DSG3: variants seen among roughly 807,000 people sequenced by gnomAD.
DSG3 encodes the protein desmoglein 3.
DSG3 carries 63 observed loss-of-function variants against 85.9 expected under a neutral mutation model. That is an observed-to-expected ratio of 0.73 (90% CI 0.60 to 0.90). The LOEUF (loss-of-function observed/expected upper bound fraction) is 0.90, where lower values mean the gene tolerates loss of function less well. DSG3 is among the 40% of genes least tolerant of loss of function. The pLI, the probability that DSG3 is intolerant of heterozygous loss-of-function variation, is 0.00. For synonymous variants in DSG3, 447 were observed against 441.9 expected, an observed-to-expected ratio of 1.01 and a Z score of -0.14; for missense variants, 1,220 against 1,219.9, an observed-to-expected ratio of 1.00 and a Z score of 0.00.
At chr18:31,456,598 A>T (rs1251892056) in intron 2 of DSG3, 123 bp downstream of exon 2, 7 of 482,878 alleles carry the variant, frequency 1.4e-5, no homozygotes, top group Non-Finnish European at 2.3e-5. Context: ...TTGTGAAAAT[A>T]TATAAAATTA....
intron 1 of DSG3, among the ~76,000 whole-genome samples, chr18:31,452,716 A>G (rs1283117089): frequency 1.3e-5 from 2 of 152,106 alleles, no homozygotes; most frequent in Non-Finnish European, 1.5e-5. Flanking sequence ...TTTTATTCCT[A>G]TTGTACAGAT....
In DSG3 at chr18:31,447,915, C is replaced by T; in HGVS notation, c.38C>T (p.Ala13Val). 6.3e-7 allele frequency: 1 copy of T among 1,584,434 alleles called. No homozygotes were observed. Among genetic ancestry groups the T allele is most frequent in the Non-Finnish European group, 8.6e-7 (1 of 1,167,380 alleles). ...GLFPRTTGAL[A>V]IFVVVILVHG... ...TTCCCCAGAACTACAGGGGCTCTGG[C>T]CATCTTCGTGGTAAGTCCTGGATTT... The change falls in exon 1 of 16, where the codon GCC becomes GTC. Residue 13 changes from alanine (A) to valine (V), a missense_variant. Ala to Val is a moderately conservative substitution (Grantham distance 64). Transcript: ENST00000257189.
intron 5 of DSG3, among the ~76,000 whole-genome samples, chr18:31,459,492 G>A (rs890316939): frequency 2.0e-5 from 3 of 152,090 alleles, no homozygotes; most frequent in Non-Finnish European, 4.4e-5. Context: ...TGCATCAGCT[G>A]GGCTCTTTCA....
intron 8 of DSG3, among the ~76,000 whole-genome samples, chr18:31,461,983 G>A (rs2072789185): frequency 6.6e-6 from 1 of 152,098 alleles, no homozygotes; most frequent in Non-Finnish European, 1.5e-5. Flanking sequence ...TGTGATCTGG[G>A]CCCCTTCCTT....
At chr18:31,471,885 T>C (rs191850261) in intron 12 of DSG3, among the ~76,000 whole-genome samples, 51 of 152,328 alleles carry the variant, frequency 3.3e-4, no homozygotes, top group African/African-American at 1.1e-3. Flanking sequence ...TCTGGACCAT[T>C]CTGGTCATAT....
intron 12 of DSG3, 131 bp from the exon 13 acceptor site, chr18:31,472,153 G>C: frequency 8.0e-7 from 1 of 1,252,104 alleles, no homozygotes; most frequent in Non-Finnish European, 1.1e-6. Context: ...AACTAATTTT[G>C]GTTTTCATTA....
At chr18:31,454,966 C>T (rs2072733175) in intron 1 of DSG3, among the ~76,000 whole-genome samples, 1 of 150,652 alleles carries the variant, frequency 6.6e-6, no homozygotes, top group Non-Finnish European at 1.5e-5. Flanking sequence ...CCATTGCACT[C>T]CAGCCAGGGC....
intron 5 of DSG3, 46 bp downstream of exon 5, chr18:31,459,223 AAT>A (rs1327487808): frequency 2.6e-6 from 4 of 1,537,344 alleles, no homozygotes; most frequent in Non-Finnish European, 3.5e-6. Context: ...TCTACTTTCA[AAT>A]ATGAGTCCCA....
At chr18:31,456,037 G>A (rs1018965479) in intron 1 of DSG3, among the ~76,000 whole-genome samples, 30 of 152,146 alleles carry the variant, frequency 2.0e-4, no homozygotes, top group African/African-American at 7.0e-4. Context: ...AATCCCCTGT[G>A]GCCCCTTTCT....
In DSG3 at chr18:31,476,956, A is replaced by C. The variant is rs1379855196; in HGVS notation, c.*696A>C. The C allele has an allele frequency of 7.6e-6, 1 of 131,954 alleles. No homozygotes were observed. Among genetic ancestry groups the C allele is most frequent in the African/African-American group, 2.9e-5 (1 of 33,986 alleles). 8.2% of individuals were successfully genotyped at this position (131,954 alleles called of 1,614,324 possible). On this transcript the variant is annotated 3_prime_UTR_variant, in exon 16 of 16. Transcript: ENST00000257189. ...AGTCCGGCCTGGGCGACAGAGCGAGACTCCGTCTCAAAAAAAAAAAAAAAA... is the reference window on the plus strand; with the variant it reads ...AGTCCGGCCTGGGCGACAGAGCGAGCCTCCGTCTCAAAAAAAAAAAAAAAA...
chr18:31,472,815 C>T (rs200453581), intron 14 of DSG3, 27 bp downstream of exon 14: 248 of 1,600,360 alleles, frequency 1.5e-4, no homozygotes, highest in Admixed American at 2.3e-4. Context: ...TGTTTGAAAG[C>T]AATGGTGAGT....
Position 31,472,435 on chromosome 18 carries a change from G to T in DSG3, c.2037+12G>T, listed in dbSNP as rs763740715. On this transcript the variant is annotated intron_variant, in intron 13 of 15. Coordinates refer to ENST00000257189, the MANE Select transcript of DSG3 (RefSeq NM_001944.3). ...ATCCTGAAGACAAGGTAAGCATCCA[G>T]TTCATAAATTATGTATTTCAATTAC... 2 of 1,603,428 alleles carry T rather than the reference G, an allele frequency of 1.2e-6. No homozygotes were observed. The highest frequency in any genetic ancestry group is 1.7e-6 in the Non-Finnish European group (2 of 1,176,472).
At position 31,458,300 on chromosome 18, in the gene DSG3, G is replaced by A. The variant is rs7240573; in HGVS notation, c.217-145G>A. 25,124 of 816,264 alleles carry A rather than the reference G, an allele frequency of 0.031. 1,316 individuals are homozygous for A. The highest frequency in any genetic ancestry group is 0.2 in the African/African-American group (11,549 of 58,456). The allele number at this position is 816,264 out of a possible 1,614,324, so 50.6% of individuals were successfully genotyped here. A position where few individuals can be genotyped will look rare whatever the true frequency, so the allele number is the denominator to read the frequency against. On this transcript the variant is annotated intron_variant, in intron 3 of 15. Coordinates refer to ENST00000257189, the MANE Select transcript of DSG3 (RefSeq NM_001944.3). ...GGTTTGATTTTATTTCATATTCCTA[G>A]TATCTATCAAGGCAAAAAGTAAATG...
At chr18:31,469,491 A>T in intron 12 of DSG3, 142 bp downstream of exon 12, 3 of 1,213,874 alleles carry the variant, frequency 2.5e-6, no homozygotes, top group Non-Finnish European at 3.4e-6. Context: ...TGGCATTTTC[A>T]GAAAGAATCT....
rs754839133 is a variant in DSG3 at position 31,466,642 on chromosome 18, C to T, written c.1524C>T (p.Ser508=). 4.0e-5 allele frequency: 65 copies of T among 1,614,086 alleles called. No homozygotes were observed. Among genetic ancestry groups the T allele is most frequent in the Admixed American group, 2.2e-4 (13 of 60,008 alleles). Residue 508 remains serine (S), a synonymous_variant, in exon 11 of 16, where the codon TCC becomes TCT. Transcript: ENST00000257189. ...EKDAVCSSSP[S]VVVSARTLNN... ...ATGCAGTTTGCAGTTCTTCACCTTCCGTGGTTGTCTCCGCTAGAACACTGA... is the reference window on the plus strand; with the variant it reads ...ATGCAGTTTGCAGTTCTTCACCTTCTGTGGTTGTCTCCGCTAGAACACTGA...
chr18:31,476,546 A>G lies in DSG3; in HGVS notation c.*286A>G. On this transcript the variant is annotated 3_prime_UTR_variant, in exon 16 of 16. Coordinates refer to ENST00000257189, the MANE Select transcript of DSG3 (RefSeq NM_001944.3). ...TTTTCCTAAACATTCTTAAGCTTCT[A>G]TTTTTCCCCTGCCAAAGGAAGGTGT... The G allele has an allele frequency of 3.3e-6, 1 of 301,940 alleles. No individual in the cohort carries two copies. The highest frequency in any genetic ancestry group is 6.1e-6 in the Non-Finnish European group (1 of 164,860). The allele number at this position is 301,940 out of a possible 1,614,324, so 18.7% of individuals were successfully genotyped here. A position where few individuals can be genotyped will look rare whatever the true frequency, so the allele number is the denominator to read the frequency against.
rs902259205 is a variant in DSG3, at chr18:31,469,303, G to T, written c.1851G>T (p.Gly617=). 3 of 1,613,590 alleles carry T rather than the reference G, an allele frequency of 1.9e-6. No homozygotes were observed. Among genetic ancestry groups the T allele is most frequent in the African/African-American group, 2.7e-5 (2 of 74,932 alleles). ...RYGRPHSGRL[G]PAAIGLLLLG... The stretch of plus-strand genomic sequence containing the variant: ...GCAGGCCGCACTCAGGGAGGCTGGG[G>T]CCTGCCGCCATCGGCCTGCTGCTCC... Residue 617 remains glycine, a synonymous_variant, in exon 12 of 16, where the codon GGG becomes GGT. Transcript: ENST00000257189.
chr18:31,466,800 G>A (rs763332270), intron 11 of DSG3, 46 bp downstream of exon 11: 19 of 1,517,246 alleles, frequency 1.3e-5, no homozygotes, highest in East Asian at 2.3e-5. Flanking sequence ...CTGCTCCTTT[G>A]TATTTCCAGA....
intron 1 of DSG3, among the ~76,000 whole-genome samples, chr18:31,449,541 T>C (rs1029242819): frequency 2.6e-5 from 4 of 152,220 alleles, no homozygotes; most frequent in African/African-American, 9.7e-5. Flanking sequence ...TGTGACATCC[T>C]TATATTGAGG....
Sources: gnomAD v4.1 joint callset for allele counts (sites outside exome capture counted in the v4.1 genomes callset) on GRCh38, gnomAD v4.1.1 for gene constraint, MANE v1.5 for transcripts, NCBI Gene and HGNC (gene_info 2026-07-23, HGNC 2026-07-21) for gene names.